The following DNAJB6 variants were observed in gnomAD, a reference collection of about 807,000 sequenced individuals.
The protein encoded by DNAJB6 is DnaJ heat shock protein family (Hsp40) member B6.
DNAJB6 carries 16 observed loss-of-function variants against 42.7 expected under a neutral mutation model. The ratio of observed to expected loss-of-function variants is 0.37; its 90% CI spans 0.25 to 0.57. DNAJB6 has a LOEUF of 0.57. Ranked by LOEUF, DNAJB6 falls within the 20% of genes least tolerant of loss-of-function variation. DNAJB6 has a pLI of 0.74. For synonymous variants in DNAJB6, 170 were observed against 163.5 expected (o/e 1.04, Z -0.30); for missense variants, 347 against 416.8 (o/e 0.83, Z 1.46).
chr7:157,361,875 T>C (rs1799620534), intron 2 of DNAJB6, among the ~76,000 whole-genome samples: 1 of 152,190 alleles, frequency 6.6e-6, no homozygotes, highest in Non-Finnish European at 1.5e-5. Context: ...TTCAAGCAAT[T>C]CTTCTGTCTC....
intron 8 of DNAJB6, among the ~76,000 whole-genome samples, chr7:157,401,136 G>C (rs1801840201): frequency 6.6e-6 from 1 of 152,194 alleles, no homozygotes; most frequent in Non-Finnish European, 1.5e-5. Flanking sequence ...GGCTTACTGT[G>C]ACCTGGGCTC....
intron 1 of DNAJB6, among the ~76,000 whole-genome samples, chr7:157,355,143 A>G (rs1452679189): frequency 6.6e-6 from 1 of 151,998 alleles, no homozygotes; most frequent in East Asian, 1.9e-4. Context: ...GCGTTCCCGT[A>G]GTTTCTTTTA....
intron 1 of DNAJB6, among the ~76,000 whole-genome samples, chr7:157,352,209 A>G (rs1799021475): frequency 6.6e-6 from 1 of 151,780 alleles, no homozygotes. Context: ...GGCACCTGTA[A>G]TCCCAGCTAC....
intron 8 of DNAJB6, among the ~76,000 whole-genome samples, chr7:157,408,801 A>G (rs1306412125): frequency 6.6e-6 from 1 of 152,226 alleles, no homozygotes; most frequent in Non-Finnish European, 1.5e-5. Flanking sequence ...AGTGCTCCTC[A>G]GTGCTTGCGG....
chr7:157,403,211 G>C (rs1795604288), intron 8 of DNAJB6, among the ~76,000 whole-genome samples: 1 of 152,194 alleles, frequency 6.6e-6, no homozygotes, highest in African/African-American at 2.4e-5. Flanking sequence ...ATCCACATAT[G>C]AGAGGGGGTA....
intron 1 of DNAJB6, chr7:157,337,844 A>T (rs1365621490): frequency 2.0e-5 from 3 of 152,086 alleles, no homozygotes; most frequent in Non-Finnish European, 4.4e-5. Context: ...ACTGCAAATC[A>T]TATATTGGCT....
At position 157,394,728 on chromosome 7, in the gene DNAJB6, C is replaced by G. The variant is rs114989584; in HGVS notation, c.691+9117C>G. ...TGAGTACATTTGTTAAGGATGGGTG[C>G]GATTTCCCTCTTGTGAAGAAGCAAC... On this transcript the variant is annotated intron_variant, in intron 8 of 9. Coordinates refer to ENST00000262177, the MANE Select transcript of DNAJB6 (RefSeq NM_058246.4). 5.4e-3 allele frequency among the ~76,000 whole-genome samples: 822 copies of G among 152,180 alleles called. 13 individuals carry two copies. The highest frequency in any genetic ancestry group is 0.018 in the African/African-American group (762 of 41,512).
chr7:157,351,755 G>T (rs536409161), intron 1 of DNAJB6, among the ~76,000 whole-genome samples: 2 of 152,264 alleles, frequency 1.3e-5, no homozygotes, highest in South Asian at 4.1e-4. Context: ...CCTGAGGTCA[G>T]GAGTTTGAAA....
At chr7:157,396,206 C>T (rs576508041) in intron 8 of DNAJB6, among the ~76,000 whole-genome samples, 2 of 152,010 alleles carry the variant, frequency 1.3e-5, no homozygotes, top group African/African-American at 4.8e-5. Flanking sequence ...GCTTCAGCCT[C>T]CCAAAGTGCT....
intron 1 of DNAJB6, among the ~76,000 whole-genome samples, chr7:157,338,164 CAG>C (rs916000951): frequency 5.9e-5 from 9 of 152,198 alleles, no homozygotes; most frequent in African/African-American, 1.9e-4. Flanking sequence ...AGAAAGGAAA[CAG>C]ACGTTAACCA....
At chr7:157,358,332 G>T (rs564601699) in intron 1 of DNAJB6, among the ~76,000 whole-genome samples, 4 of 152,044 alleles carry the variant, frequency 2.6e-5, no homozygotes, top group Non-Finnish European at 5.9e-5. Context: ...TTTTTTCCCC[G>T]TCTCTAGAAG....
intron 9 of DNAJB6, 111 bp from the exon 10 acceptor site, chr7:157,415,905 A>G: frequency 6.3e-7 from 1 of 1,585,738 alleles, no homozygotes; most frequent in African/African-American, 1.3e-5. Flanking sequence ...AGATGACTTC[A>G]TTTTGTTGCT....
chr7:157,372,616 C>G (rs1362734879), intron 5 of DNAJB6, among the ~76,000 whole-genome samples: 3 of 152,160 alleles, frequency 2.0e-5, no homozygotes, highest in African/African-American at 7.2e-5. Context: ...ACTGAAGAAG[C>G]AAGAGAGGGA....
intron 5 of DNAJB6, among the ~76,000 whole-genome samples, chr7:157,368,031 A>T (rs1584906677): frequency 6.6e-6 from 1 of 152,112 alleles, no homozygotes; most frequent in East Asian, 1.9e-4. Context: ...TGGGAGGCTG[A>T]GGTGGGAGGA....
intron 5 of DNAJB6, among the ~76,000 whole-genome samples, chr7:157,374,648 C>G (rs2366506): frequency 0.55 from 83,680 of 151,952 alleles, 23,386 homozygotes; most frequent in East Asian, 0.75. Flanking sequence ...TCAGTACATA[C>G]TTGGTCGTTT....
chr7:157,346,085 G>A (rs775467997), intron 1 of DNAJB6, among the ~76,000 whole-genome samples: 2 of 151,960 alleles, frequency 1.3e-5, no homozygotes, highest in Non-Finnish European at 1.5e-5. Flanking sequence ...TTGAACACAC[G>A]GGCCAGGAGA....
At chr7:157,382,877 A>G (rs1297902410) in intron 6 of DNAJB6, 1 of 152,316 alleles carries the variant, frequency 6.6e-6, no homozygotes, top group Non-Finnish European at 1.5e-5. Flanking sequence ...CGATGGAAAC[A>G]AGCTTGTAGA....
At chr7:157,339,601 TTGTGTGTG>T (rs59577692) in intron 1 of DNAJB6, among the ~76,000 whole-genome samples, 3,400 of 122,388 alleles carry the variant, frequency 0.028, 78 homozygotes, top group African/African-American at 0.063. Flanking sequence ...GCCCGGCCTT[TTGTGTGTG>T]TGTGTGTGTG....
intron 9 of DNAJB6, chr7:157,412,754 C>T (rs575904699): frequency 6.6e-6 from 1 of 152,394 alleles, no homozygotes; most frequent in African/African-American, 2.4e-5. Context: ...AGCCGTCTGA[C>T]CCGTCCCTGA....
Sources: gnomAD v4.1 joint callset for allele counts (sites outside exome capture counted in the v4.1 genomes callset) on GRCh38, gnomAD v4.1.1 for gene constraint, MANE v1.5 for transcripts, NCBI Gene and HGNC (gene_info 2026-07-23, HGNC 2026-07-21) for gene names.